MDFIC2: variants seen among roughly 807,000 people sequenced by gnomAD.
MDFIC2 encodes MyoD family inhibitor domain containing 2, also known as myoD family inhibitor domain-containing protein 2.
chr3:70,304,531 AATTTCTAAAGCCGGGGGTCAGCCTTTG>A (rs1256964044), intron 2 of MDFIC2, among the ~76,000 whole-genome samples: 1 of 152,044 alleles, frequency 6.6e-6, no homozygotes, highest in Non-Finnish European at 1.5e-5. Context: ...ACCATTTCAC[AATTTCTAAAGCCGGGGGTCAGCCTTTG>A]ATTCCTTTCT....
chr3:70,222,812 A>G (rs897375179), intron 2 of MDFIC2, among the ~76,000 whole-genome samples: 1 of 152,176 alleles, frequency 6.6e-6, no homozygotes, highest in African/African-American at 2.4e-5. Flanking sequence ...CCTCCCTAAG[A>G]TAGCTCCATA....
intron 2 of MDFIC2, among the ~76,000 whole-genome samples, chr3:70,279,102 T>A (rs1158942655): frequency 6.7e-6 from 1 of 150,342 alleles, no homozygotes; most frequent in African/African-American, 2.4e-5. Context: ...CCAAATGACA[T>A]ACTAGATAGA....
intron 2 of MDFIC2, among the ~76,000 whole-genome samples, chr3:70,268,385 G>A (rs1410473864): frequency 6.9e-6 from 1 of 145,550 alleles, no homozygotes; most frequent in African/African-American, 2.6e-5. Flanking sequence ...TGAAGCAGGA[G>A]AATCACTTGA....
At chr3:70,249,047 G>A (rs1349834391) in intron 2 of MDFIC2, 4 of 152,142 alleles carry the variant, frequency 2.6e-5, no homozygotes, top group African/African-American at 4.8e-5. Context: ...TAGGAAATGA[G>A]GAAGTGGAGG....
rs75481473 is a variant in MDFIC2 at position 70,294,415 on chromosome 3, C to G, written c.88+17471G>C. Among the ~76,000 whole-genome samples, 926 of 151,848 alleles carry G rather than the reference C, an allele frequency of 6.1e-3. 11 individuals carry two copies. The highest frequency in any genetic ancestry group is 0.021 in the African/African-American group (882 of 41,384). ...CTGCTGACAGACACTACTGTAGGTA[C>G]GTAGGAGAATATAGAAAGGAATAAG... is the stretch of plus-strand genomic sequence containing the variant. On this transcript the variant is annotated intron_variant, in intron 2 of 3. Transcript: ENST00000567252.
intron 2 of MDFIC2, among the ~76,000 whole-genome samples, chr3:70,270,850 C>A (rs1323232538): frequency 1.3e-5 from 2 of 151,910 alleles, no homozygotes; most frequent in South Asian, 2.1e-4. Context: ...CACATGGACA[C>A]AGGGAGGGGA....
intron 2 of MDFIC2, among the ~76,000 whole-genome samples, chr3:70,234,803 AT>A (rs1701592150): frequency 1.3e-5 from 2 of 152,032 alleles, no homozygotes; most frequent in Non-Finnish European, 2.9e-5. Context: ...AAGCAAATTA[AT>A]TTTTTAATTG....
At chr3:70,212,329 C>G (rs940184606) in intron 2 of MDFIC2, among the ~76,000 whole-genome samples, 46 of 152,194 alleles carry the variant, frequency 3.0e-4, no homozygotes, top group African/African-American at 9.4e-4. Flanking sequence ...AATTATGATG[C>G]CTCTTTCTAC....
chr3:70,226,200 T>C (rs1284736032), intron 2 of MDFIC2, among the ~76,000 whole-genome samples: 1 of 152,192 alleles, frequency 6.6e-6, no homozygotes, highest in Admixed American at 6.5e-5. Flanking sequence ...TGAATCTTCA[T>C]AAAGTGCCAG....
At chr3:70,201,884 T>G (rs1701243461) in intron 3 of MDFIC2, among the ~76,000 whole-genome samples, 1 of 152,188 alleles carries the variant, frequency 6.6e-6, no homozygotes, top group Non-Finnish European at 1.5e-5. Flanking sequence ...TAGAAGGCAG[T>G]AACTGGAACC....
intron 2 of MDFIC2, among the ~76,000 whole-genome samples, chr3:70,211,891 C>T (rs576333007): frequency 2.9e-4 from 43 of 145,922 alleles, no homozygotes; most frequent in Non-Finnish European, 5.5e-4. Context: ...CTTCCCTTCC[C>T]TTTGTCCTTT....
chr3:70,253,651 A>T (rs2092279044), intron 2 of MDFIC2, among the ~76,000 whole-genome samples: 1 of 152,188 alleles, frequency 6.6e-6, no homozygotes, highest in Admixed American at 6.5e-5. Flanking sequence ...TGAGCCCAGG[A>T]GTTCAATGCT....
intron 2 of MDFIC2, among the ~76,000 whole-genome samples, chr3:70,215,352 A>C (rs143157191): frequency 1.2e-4 from 19 of 152,146 alleles, no homozygotes; most frequent in African/African-American, 4.3e-4. Context: ...GAAACGAAGC[A>C]CTCTGATATG....
intron 2 of MDFIC2, among the ~76,000 whole-genome samples, chr3:70,214,536 T>C (rs947994411): frequency 3.3e-5 from 5 of 151,218 alleles, no homozygotes; most frequent in African/African-American, 7.3e-5. Flanking sequence ...GGAAGAAGGC[T>C]GAGCATGGCC....
intron 2 of MDFIC2, among the ~76,000 whole-genome samples, chr3:70,285,821 T>C (rs1177432535): frequency 6.6e-6 from 1 of 152,188 alleles, no homozygotes; most frequent in African/African-American, 2.4e-5. Flanking sequence ...ATGAGGAGCA[T>C]TTAATCATGT....
At chr3:70,252,280 A>G (rs991893281) in intron 2 of MDFIC2, among the ~76,000 whole-genome samples, 8 of 151,824 alleles carry the variant, frequency 5.3e-5, no homozygotes, top group South Asian at 2.1e-4. Flanking sequence ...AAGTATATGT[A>G]TCGTATGCTG....
At chr3:70,238,259 T>G (rs148694830) in intron 2 of MDFIC2, among the ~76,000 whole-genome samples, 1 of 151,838 alleles carries the variant, frequency 6.6e-6, no homozygotes, top group Non-Finnish European at 1.5e-5. Flanking sequence ...CTATGTAAGG[T>G]GTAAACACTA....
chr3:70,273,496 A>G (rs1386532286), intron 2 of MDFIC2, among the ~76,000 whole-genome samples: 1 of 152,208 alleles, frequency 6.6e-6, no homozygotes, highest in East Asian at 1.9e-4. Flanking sequence ...TCCCTAAAAC[A>G]GTAAACTCCA....
At chr3:70,216,330 T>C (rs1382106592) in intron 2 of MDFIC2, among the ~76,000 whole-genome samples, 1 of 150,776 alleles carries the variant, frequency 6.6e-6, no homozygotes, top group African/African-American at 2.4e-5. Context: ...TTTATATATA[T>C]ATATAAACTT....
Sources: allele counts gnomAD v4.1 joint callset (sites outside exome capture counted in the v4.1 genomes callset), GRCh38; gene constraint gnomAD v4.1.1; transcripts MANE v1.5; gene names NCBI Gene and HGNC (gene_info 2026-07-23, HGNC 2026-07-21).